Variants in ARHGAP26 observed in about 807,000 individuals in gnomAD.
ARHGAP26 encodes Rho GTPase activating protein 26.
Under a neutral mutation model 104.8 loss-of-function variants are expected in ARHGAP26, and 38 were observed. The observed-to-expected ratio is 0.36, with a 90% CI of 0.28 to 0.48. ARHGAP26 has a LOEUF of 0.48. Among genes scored for constraint, ARHGAP26 ranks in the 20% least tolerant of loss-of-function variants. ARHGAP26 has a pLI of 0.99. For synonymous variants in ARHGAP26, 341 were observed against 340.0 expected, an observed-to-expected ratio of 1.00 and a Z score of -0.03; for missense variants, 704 against 947.9, an observed-to-expected ratio of 0.74 and a Z score of 3.38.
At chr5:143,211,979 G>A (rs1350708419) in intron 21 of ARHGAP26, among the ~76,000 whole-genome samples, 2 of 152,008 alleles carry the variant, frequency 1.3e-5, no homozygotes, top group Non-Finnish European at 2.9e-5. Context: ...TTTTATTTCT[G>A]GCTGCCAAAT....
intron 1 of ARHGAP26, among the ~76,000 whole-genome samples, chr5:142,794,037 A>G (rs1264322514): frequency 2.6e-5 from 4 of 152,216 alleles, no homozygotes; most frequent in African/African-American, 9.7e-5. Context: ...AAGCCCAGTG[A>G]TGTTCTAACT....
At chr5:142,904,423 G>A (rs1760808232) in intron 8 of ARHGAP26, among the ~76,000 whole-genome samples, 1 of 151,904 alleles carries the variant, frequency 6.6e-6, no homozygotes, top group Admixed American at 6.6e-5. Context: ...GAGTGAGCCT[G>A]TTGAGGTTTA....
chr5:143,151,960 A>G (rs1300415634), intron 20 of ARHGAP26, among the ~76,000 whole-genome samples: 1 of 152,212 alleles, frequency 6.6e-6, no homozygotes, highest in Non-Finnish European at 1.5e-5. Flanking sequence ...CATCTCAAAA[A>G]AAAGAAATCA....
chr5:142,895,331 A>G (rs1170392805), intron 6 of ARHGAP26, among the ~76,000 whole-genome samples: 2 of 152,062 alleles, frequency 1.3e-5, no homozygotes, highest in East Asian at 1.9e-4. Context: ...TCTGGGTTCA[A>G]GCGATTCTCC....
At chr5:142,996,856 A>G (rs1026607340) in intron 11 of ARHGAP26, among the ~76,000 whole-genome samples, 26 of 152,178 alleles carry the variant, frequency 1.7e-4, no homozygotes, top group Admixed American at 1.2e-3. Flanking sequence ...ATTGTGGCTT[A>G]TAGAAAGAGA....
chr5:142,806,512 G>A (rs191697218), intron 1 of ARHGAP26, among the ~76,000 whole-genome samples: 1 of 150,286 alleles, frequency 6.7e-6, no homozygotes, highest in East Asian at 2.0e-4. Flanking sequence ...TGTGTGTTTA[G>A]TTTAAGTTGG....
chr5:143,104,041 G>A (rs1161539677), intron 17 of ARHGAP26, among the ~76,000 whole-genome samples: 1 of 151,092 alleles, frequency 6.6e-6, no homozygotes, highest in Non-Finnish European at 1.5e-5. Flanking sequence ...AAAAAAAAGA[G>A]AGAAATGAAA....
intron 17 of ARHGAP26, among the ~76,000 whole-genome samples, chr5:143,071,764 C>T (rs900222815): frequency 9.2e-5 from 14 of 151,630 alleles, no homozygotes; most frequent in Admixed American, 2.6e-4. Flanking sequence ...ATTAGCCAGG[C>T]GTGGTGGCAT....
intron 1 of ARHGAP26, among the ~76,000 whole-genome samples, chr5:142,831,783 A>G (rs79994957): frequency 0.012 from 1,826 of 152,030 alleles, 46 homozygotes; most frequent in African/African-American, 0.042. Context: ...TCTATCTCCC[A>G]TTATCCAGTG....
chr5:143,114,252 G>A (rs1298385534), intron 17 of ARHGAP26, among the ~76,000 whole-genome samples: 1 of 152,152 alleles, frequency 6.6e-6, no homozygotes, highest in African/African-American at 2.4e-5. Flanking sequence ...CCCTCATTCT[G>A]GTGCCACCAT....
rs566622949 is a variant in ARHGAP26 at position 142,915,042 on chromosome 5, T to G, written c.1028+1749T>G. 2.8e-4 allele frequency among the ~76,000 whole-genome samples: 43 copies of G among 152,314 alleles called. 1 individual carries two copies. The South Asian group carries it at 8.1e-3, about 29-fold the overall frequency. On this transcript the variant is annotated intron_variant, in intron 10 of 22. Coordinates refer to ENST00000645722, the MANE Select transcript of ARHGAP26 (RefSeq NM_001135608.3). ...CAAGCCCAAATTTGCTTTCTGAAGC[T>G]GAATTATTTTTGTGTTTTCATCTTC...
chr5:143,081,391 G>A (rs1037565987), intron 17 of ARHGAP26, among the ~76,000 whole-genome samples: 2 of 152,190 alleles, frequency 1.3e-5, no homozygotes, highest in African/African-American at 4.8e-5. Flanking sequence ...TCAAACTCTG[G>A]AAGACTAAGC....
At chr5:142,816,840 C>A (rs543812730) in intron 1 of ARHGAP26, among the ~76,000 whole-genome samples, 1 of 152,216 alleles carries the variant, frequency 6.6e-6, no homozygotes, top group Admixed American at 6.5e-5. Context: ...GTGATCAGCA[C>A]TGTGCTCAAG....
At chr5:143,181,353 A>G (rs1478531129) in intron 20 of ARHGAP26, among the ~76,000 whole-genome samples, 1 of 152,198 alleles carries the variant, frequency 6.6e-6, no homozygotes, top group African/African-American at 2.4e-5. Context: ...CACTTCTGCA[A>G]CCTTGCCCTG....
intron 1 of ARHGAP26, among the ~76,000 whole-genome samples, chr5:142,849,530 C>CGT (rs1468985205): frequency 1.3e-5 from 2 of 152,194 alleles, no homozygotes; most frequent in Non-Finnish European, 2.9e-5. Context: ...CCCTTCTGAA[C>CGT]GTCCCTTCCT....
intron 17 of ARHGAP26, among the ~76,000 whole-genome samples, chr5:143,096,546 C>T (rs914050094): frequency 1.3e-5 from 2 of 152,212 alleles, no homozygotes; most frequent in African/African-American, 4.8e-5. Context: ...CGCACAACTG[C>T]TTTCCCTCAA....
At chr5:143,047,167 T>C (rs1183304818) in intron 14 of ARHGAP26, among the ~76,000 whole-genome samples, 1 of 152,140 alleles carries the variant, frequency 6.6e-6, no homozygotes. Context: ...TCTTCATCAT[T>C]CTAGAAAGCA....
Position 143,228,990 on chromosome 5 carries a change from CTT to C in ARHGAP26, c.*6547_*6548del, listed in dbSNP as rs1021045973. ...GACGTATGATTTTTGAATTAAATGA[CTT>C]TTCCATTTGGTGGTATTTTCTTGAG... On this transcript the variant is annotated 3_prime_UTR_variant, in exon 23 of 23. Transcript: ENST00000645722. 1.1e-5 allele frequency: 2 copies of C among 181,256 alleles called. No homozygotes were observed. Among genetic ancestry groups the C allele is most frequent in the Non-Finnish European group, 2.4e-5 (2 of 84,974 alleles). The allele number at this position is 181,256 out of a possible 1,614,324, so 11.2% of individuals were successfully genotyped here.
At position 143,223,286 on chromosome 5, in the gene ARHGAP26, G is replaced by C; in HGVS notation, c.*840G>C. The C allele has an allele frequency of 4.3e-6, 1 of 233,016 alleles. No individual in the cohort carries two copies. The highest frequency in any genetic ancestry group is 8.5e-6 in the Non-Finnish European group (1 of 117,664). 14.4% of individuals were successfully genotyped at this position (233,016 alleles called of 1,614,324 possible). ...TGGTTTTCTAACAACTTGAAGCACA[G>C]GATCAAGGAATTAGGGTGGTCTACT... On this transcript the variant is annotated 3_prime_UTR_variant, in exon 23 of 23. Transcript: ENST00000645722.
Sources: gnomAD v4.1 joint callset for allele counts (sites outside exome capture counted in the v4.1 genomes callset) on GRCh38, gnomAD v4.1.1 for gene constraint, MANE v1.5 for transcripts, NCBI Gene and HGNC (gene_info 2026-07-23, HGNC 2026-07-21) for gene names.